The following KCNQ1 variants were observed in gnomAD, a reference collection of about 807,000 sequenced individuals.
KCNQ1 encodes the protein potassium voltage-gated channel subfamily KQT member 1.
Under a neutral mutation model 72.4 loss-of-function variants are expected in KCNQ1, and 49 were observed. The observed-to-expected ratio is 0.68, with a 90% CI of 0.54 to 0.86. The LOEUF (loss-of-function observed/expected upper bound fraction) is 0.86. KCNQ1 is among the 40% of genes least tolerant of loss of function. KCNQ1 has a pLI of 0.00. For missense variants in KCNQ1, 790 were observed against 945.1 expected, an observed-to-expected ratio of 0.84 and a Z score of 2.15; for synonymous variants, 450 against 412.6, an observed-to-expected ratio of 1.09 and a Z score of -1.10.
chr11:2,622,648 A>T (rs10734233), intron 10 of KCNQ1: 351,935 of 398,522 alleles, frequency 0.88, 155,515 homozygotes, highest in East Asian at 0.91. Flanking sequence ...TTTGTGTTTG[A>T]TGATTTTCTG....
In KCNQ1 at chr11:2,541,267, G is replaced by T. The variant is rs926405903; in HGVS notation, c.477+13249G>T. Among the ~76,000 whole-genome samples, 4 of 152,256 alleles carry T rather than the reference G, an allele frequency of 2.6e-5. No homozygotes were observed. The highest frequency in any genetic ancestry group is 7.2e-5 in the African/African-American group (3 of 41,480). ...GCGCAGGCCAGCCCCTTTTCCTGGCGGGGTGATGATCTGGTCAGTTTCCGA... is the reference window on the plus strand; with the variant it reads ...GCGCAGGCCAGCCCCTTTTCCTGGCTGGGTGATGATCTGGTCAGTTTCCGA... On this transcript the variant is annotated intron_variant, in intron 2 of 15. Coordinates refer to ENST00000155840, the MANE Select transcript of KCNQ1 (RefSeq NM_000218.3). This position sits in a 1 kb window ranked among gnomAD's most constrained non-coding sequence, Gnocchi z 4.8.
At chr11:2,532,208 T>A (rs1451021279) in intron 2 of KCNQ1, among the ~76,000 whole-genome samples, 2 of 152,124 alleles carry the variant, frequency 1.3e-5, no homozygotes, top group Non-Finnish European at 2.9e-5. Context: ...CTCAGGCCAT[T>A]CCACACTCCC....
rs186444554 is a variant in KCNQ1 at position 2,493,066 on chromosome 11, G to A, written c.387-34862G>A. On this transcript the variant is annotated intron_variant, in intron 1 of 15. Transcript: ENST00000155840. The surrounding 1 kb of genome is among the most constrained non-coding windows in gnomAD (Gnocchi z 5.3). ...TCGCCATTCTAACTGGCATGAGATG[G>A]TATCTCCTTGTGGTTTTGATTTGCA... 6.6e-6 allele frequency among the ~76,000 whole-genome samples: 1 copy of A among 152,252 alleles called. No homozygotes were observed. Among genetic ancestry groups the A allele is most frequent in the East Asian group, 1.9e-4 (1 of 5,188 alleles).
At chr11:2,714,005 C>T (rs1025569249) in intron 11 of KCNQ1, among the ~76,000 whole-genome samples, 1 of 152,174 alleles carries the variant, frequency 6.6e-6, no homozygotes, top group Admixed American at 6.5e-5. Context: ...GTGTGGGGGG[C>T]GCCTTGGGGC....
rs550624754 is a variant in KCNQ1 at position 2,623,459 on chromosome 11, A to G, written c.1393+34605A>G. 12 of 398,460 alleles carry G rather than the reference A, an allele frequency of 3.0e-5. No individual in the cohort carries two copies. Among genetic ancestry groups the G allele is most frequent in the Non-Finnish European group, 4.4e-5 (10 of 226,058 alleles). The allele number at this position is 398,460 out of a possible 1,614,324, so 24.7% of individuals were successfully genotyped here. On this transcript the variant is annotated intron_variant, in intron 10 of 15. Transcript: ENST00000155840. The surrounding 1 kb of genome is among the most constrained non-coding windows in gnomAD (Gnocchi z 5.2). ...CCCCAACAACCCTTGGCAACCACTGAACTTTTTACTGCCTCCATAGCATTG... is the reference window on the plus strand; with the variant it reads ...CCCCAACAACCCTTGGCAACCACTGGACTTTTTACTGCCTCCATAGCATTG...
intron 2 of KCNQ1, among the ~76,000 whole-genome samples, chr11:2,555,748 T>A (rs981811677): frequency 1.3e-5 from 2 of 152,252 alleles, no homozygotes; most frequent in African/African-American, 4.8e-5. Context: ...GGGCCTTTTC[T>A]TCTGGTCATC....
Position 2,497,002 on chromosome 11 carries a change from T to C in KCNQ1, c.387-30926T>C, listed in dbSNP as rs530125202. ...ATGTTGAATATTGGCTCCCACTCTCTTCTGGCTTGTAGGGTTTCTGCAGAG... is the reference window on the plus strand; with the variant it reads ...ATGTTGAATATTGGCTCCCACTCTCCTCTGGCTTGTAGGGTTTCTGCAGAG... On this transcript the variant is annotated intron_variant, in intron 1 of 15. Transcript: ENST00000155840. This position sits in a 1 kb window ranked among gnomAD's most constrained non-coding sequence, Gnocchi z 4.5. Among the ~76,000 whole-genome samples, 5 of 152,322 alleles carry C rather than the reference T, an allele frequency of 3.3e-5. No homozygotes were observed. The highest frequency in any genetic ancestry group is 1.3e-4 in the Admixed American group (2 of 15,304).
chr11:2,569,808 C>T (rs564808652), intron 2 of KCNQ1, among the ~76,000 whole-genome samples: 1 of 152,358 alleles, frequency 6.6e-6, no homozygotes, highest in East Asian at 1.9e-4. Context: ...GGCCCTGCTG[C>T]ATCCACACTA....
At chr11:2,744,069 T>C (rs965788666) in intron 11 of KCNQ1, among the ~76,000 whole-genome samples, 2 of 152,232 alleles carry the variant, frequency 1.3e-5, no homozygotes, top group African/African-American at 4.8e-5. Context: ...ATCAGCCCAT[T>C]GCCGGTACCC....
chr11:2,741,723 C>T (rs957383613), intron 11 of KCNQ1, among the ~76,000 whole-genome samples: 2 of 152,370 alleles, frequency 1.3e-5, no homozygotes, highest in Non-Finnish European at 2.9e-5. Context: ...AAGCTGTGCT[C>T]GGGCCGGAGC....
At chr11:2,814,646 G>A in intron 15 of KCNQ1, among the ~76,000 whole-genome samples, 1 of 150,934 alleles carries the variant, frequency 6.6e-6, no homozygotes, top group Non-Finnish European at 1.5e-5. Flanking sequence ...AAGGAAGGAA[G>A]GAAGGAAGGA....
In KCNQ1 at chr11:2,627,734, T is replaced by TAC. The variant is rs368697384; in HGVS notation, c.1394-34214_1394-34213dup. ...ATGTGTTTATTTGGGAATTTGGTGATACACACACACACACTATTTTCTTCC... is the reference window on the plus strand; with the variant it reads ...ATGTGTTTATTTGGGAATTTGGTGATACACACACACACACACTATTTTCTTCC... On this transcript the variant is annotated intron_variant, in intron 10 of 15. Coordinates refer to ENST00000155840, the MANE Select transcript of KCNQ1 (RefSeq NM_000218.3). The surrounding 1 kb of genome is among the most constrained non-coding windows in gnomAD (Gnocchi z 4.9). The TAC allele has an allele frequency of 3.0e-3, 1,205 of 397,862 alleles. 6 individuals are homozygous for TAC. Among genetic ancestry groups the TAC allele is most frequent in the African/African-American group, 0.021 (1,020 of 48,598 alleles). 24.6% of individuals were successfully genotyped at this position (397,862 alleles called of 1,614,324 possible).
At chr11:2,573,784 G>T (rs1848377176) in intron 6 of KCNQ1, among the ~76,000 whole-genome samples, 1 of 152,224 alleles carries the variant, frequency 6.6e-6, no homozygotes, top group African/African-American at 2.4e-5. Context: ...GTCTTGGGCC[G>T]TGTCTGTGGG....
At position 2,670,189 on chromosome 11, in the gene KCNQ1, CA is replaced by C. The variant is rs1167367109; in HGVS notation, c.1514+8109del. The C allele has an allele frequency of 2.5e-6, 1 of 398,506 alleles. No homozygotes were observed. The highest frequency in any genetic ancestry group is 2.1e-5 in the African/African-American group (1 of 48,612). The allele number at this position is 398,506 out of a possible 1,614,324, so 24.7% of individuals were successfully genotyped here. ...GCCAAGGCAAGCACCCACATTAAAG[CA>C]GAGTGAAGAGCAGGGCGAGCTGTGT... On this transcript the variant is annotated intron_variant, in intron 11 of 15. Transcript: ENST00000155840. This position sits in a 1 kb window ranked among gnomAD's most constrained non-coding sequence, Gnocchi z 4.9.
rs1472663627 is a variant in KCNQ1, at chr11:2,491,075, A to T, written c.387-36853A>T. On this transcript the variant is annotated intron_variant, in intron 1 of 15. Transcript: ENST00000155840. This position sits in a 1 kb window ranked among gnomAD's most constrained non-coding sequence, Gnocchi z 4.1. ...GGGCTTGGGATGCTGCCTAATGCAG[A>T]TACGGCTTAGATCACAACACCCAAG... Among the ~76,000 whole-genome samples the T allele has an allele frequency of 6.6e-6, 1 of 152,232 alleles. No homozygotes were observed. The highest frequency in any genetic ancestry group is 6.5e-5 in the Admixed American group (1 of 15,288).
chr11:2,588,610 G>A lies in KCNQ1; in HGVS notation c.1252-103G>A. On this transcript the variant is annotated intron_variant, in intron 9 of 15. Transcript: ENST00000155840. This position sits in a 1 kb window ranked among gnomAD's most constrained non-coding sequence, Gnocchi z 5.6. ...TCAGGTCCCTGTCCGGGTGTATGTGGCGGGGGCTGGGCTCGGGGCGGCTGC... is the reference window on the plus strand; with the variant it reads ...TCAGGTCCCTGTCCGGGTGTATGTGACGGGGGCTGGGCTCGGGGCGGCTGC... 7.0e-7 allele frequency: 1 copy of A among 1,421,450 alleles called. No homozygotes were observed. The highest frequency in any genetic ancestry group is 9.8e-7 in the Non-Finnish European group (1 of 1,022,160). 88.1% of individuals were successfully genotyped at this position (1,421,450 alleles called of 1,614,324 possible). A position where few individuals can be genotyped will look rare whatever the true frequency, so the allele number is the denominator to read the frequency against.
rs986199825 is a variant in KCNQ1, at chr11:2,612,913, C to T, written c.1393+24059C>T. 12 of 398,560 alleles carry T rather than the reference C, an allele frequency of 3.0e-5. No individual in the cohort carries two copies. In the South Asian group the frequency reaches 5.1e-4, roughly 17 times the overall value. The allele number at this position is 398,560 out of a possible 1,614,324, so 24.7% of individuals were successfully genotyped here. A position where few individuals can be genotyped will look rare whatever the true frequency, so the allele number is the denominator to read the frequency against. On this transcript the variant is annotated intron_variant, in intron 10 of 15. Transcript: ENST00000155840. This position sits in a 1 kb window ranked among gnomAD's most constrained non-coding sequence, Gnocchi z 5.5. ...TCTGTTACTCATTTATTTGTTTGCT[C>T]GCTTGTGTATGCCTTCTCTGCATGG...
chr11:2,717,718 C>T (rs1000807035), intron 11 of KCNQ1, among the ~76,000 whole-genome samples: 2 of 152,190 alleles, frequency 1.3e-5, no homozygotes, highest in Admixed American at 1.3e-4. Context: ...AACGGAAAGA[C>T]AGATGGCAGG....
intron 11 of KCNQ1, among the ~76,000 whole-genome samples, chr11:2,707,832 C>A (rs1850936069): frequency 6.6e-6 from 1 of 152,242 alleles, no homozygotes; most frequent in Non-Finnish European, 1.5e-5. Context: ...GCCACACGGC[C>A]TTGGTGTGAG....
Sources: allele counts gnomAD v4.1 joint callset (sites outside exome capture counted in the v4.1 genomes callset), GRCh38; gene constraint gnomAD v4.1.1; non-coding constraint Gnocchi (gnomAD v3.1); transcripts MANE v1.5; gene names NCBI Gene and HGNC (gene_info 2026-07-23, HGNC 2026-07-21).